The following VANGL1 variants were observed in gnomAD, a reference collection of about 807,000 sequenced individuals.
The protein encoded by VANGL1 is VANGL planar cell polarity protein 1, also known as vang-like protein 1.
A neutral mutation model predicts 48.4 loss-of-function variants in VANGL1; 18 were observed. The ratio of observed to expected loss-of-function variants is 0.37; its 90% CI spans 0.26 to 0.55. The LOEUF is 0.55. Among genes scored for constraint, VANGL1 ranks in the 20% least tolerant of loss-of-function variants. The pLI, the probability that VANGL1 is intolerant of heterozygous loss-of-function variation, is 0.81. For missense variants in VANGL1, 667 were observed against 675.8 expected (o/e 0.99, Z 0.14); for synonymous variants, 257 against 261.8 (o/e 0.98, Z 0.18).
At chr1:115,686,843 T>C (rs1260931383) in intron 7 of VANGL1, among the ~76,000 whole-genome samples, 2 of 152,202 alleles carry the variant, frequency 1.3e-5, no homozygotes, top group African/African-American at 4.8e-5. Context: ...CTCTTTCAGT[T>C]CCTCTACACT....
chr1:115,662,889 C>T (rs191361705), intron 3 of VANGL1, among the ~76,000 whole-genome samples: 1 of 151,530 alleles, frequency 6.6e-6, no homozygotes, highest in Admixed American at 6.6e-5. Context: ...CGGGTTCAAG[C>T]GATTCTCCTG....
intron 2 of VANGL1, among the ~76,000 whole-genome samples, chr1:115,652,614 A>G (rs1209926029): frequency 1.3e-5 from 2 of 152,232 alleles, no homozygotes; most frequent in East Asian, 1.9e-4. Flanking sequence ...CAAGGTATCA[A>G]CTGGCCCCAG....
Position 115,663,674 on chromosome 1 carries a change from G to A in VANGL1, c.218G>A (p.Gly73Glu). Reference protein sequence around the residue: ...RTEEVQDDNWGETTTAITGTS... With the variant: ...RTEEVQDDNWEETTTAITGTS... Reference sequence around the variant, plus strand: ...TCTCCCCACCAGGATGACAACTGGGGAGAGACCACCACGGCCATCACAGGC... The same window carrying A: ...TCTCCCCACCAGGATGACAACTGGGAAGAGACCACCACGGCCATCACAGGC... The change falls in exon 4 of 8, where the codon GGA (glycine) becomes GAA (glutamate). Residue 73 changes from glycine to glutamate, a missense_variant. Coordinates refer to ENST00000355485, the MANE Select transcript of VANGL1 (RefSeq NM_138959.3). 6.2e-7 allele frequency: 1 copy of A among 1,614,158 alleles called. No homozygotes were observed. The highest frequency in any genetic ancestry group is 8.5e-7 in the Non-Finnish European group (1 of 1,180,036).
At chr1:115,642,743 G>A (rs1004101818) in intron 1 of VANGL1, 1 of 152,240 alleles carries the variant, frequency 6.6e-6, no homozygotes, top group African/African-American at 2.4e-5. Flanking sequence ...GGGTGGAGCA[G>A]AGGCGCCTGG....
At chr1:115,675,481 G>A (rs563246220) in intron 4 of VANGL1, among the ~76,000 whole-genome samples, 2 of 152,204 alleles carry the variant, frequency 1.3e-5, no homozygotes, top group South Asian at 2.1e-4. Flanking sequence ...CATCCTGGAC[G>A]ACAAAGGAGA....
chr1:115,691,284 G>A lies in VANGL1; in HGVS notation c.1480G>A (p.Val494Met). 1 of 1,614,136 alleles carries A rather than the reference G, an allele frequency of 6.2e-7. No homozygotes were observed. The change falls in exon 8 of 8, where the codon GTG (valine) becomes ATG (methionine). Residue 494 changes from valine (V) to methionine (M), a missense_variant. Val to Met is a conservative substitution (Grantham distance 21). Transcript: ENST00000355485. ...CTTGGACTTCAGCCTCGTAGTCAAT[G>A]TGAAGAAAATTCCATTCATCATACT... ...KCLDFSLVVN[V>M]KKIPFIILSE...
chr1:115,696,737 C>T lies in VANGL1; in HGVS notation c.*5358C>T, dbSNP rs1654044893. ...CTTTAGTGGGTTGTTTTAGTCTCTC[C>T]AACAAAAGAGCAGATTCCTAAAGCC... On this transcript the variant is annotated 3_prime_UTR_variant, in exon 8 of 8. Transcript: ENST00000355485. 1 of 152,120 alleles carries T rather than the reference C, an allele frequency of 6.6e-6. No homozygotes were observed. Among genetic ancestry groups the T allele is most frequent in the South Asian group, 2.1e-4 (1 of 4,824 alleles). The allele number at this position is 152,120 out of a possible 1,614,324, so 9.4% of individuals were successfully genotyped here. A position where few individuals can be genotyped will look rare whatever the true frequency, so the allele number is the denominator to read the frequency against.
intron 6 of VANGL1, 101 bp from the exon 7 acceptor site, chr1:115,685,192 T>C: frequency 7.9e-7 from 1 of 1,262,332 alleles, no homozygotes; most frequent in Admixed American, 1.9e-5. Context: ...GCCTTGGGTA[T>C]GTTGGCAGGT....
At chr1:115,689,161 A>G (rs1430540425) in intron 7 of VANGL1, among the ~76,000 whole-genome samples, 1 of 138,052 alleles carries the variant, frequency 7.2e-6, no homozygotes, top group African/African-American at 2.7e-5. Context: ...TTTATTCTAT[A>G]AAATTATTGT....
chr1:115,660,554 C>A (rs1652509490), intron 3 of VANGL1, among the ~76,000 whole-genome samples: 1 of 152,302 alleles, frequency 6.6e-6, no homozygotes, highest in Non-Finnish European at 1.5e-5. Flanking sequence ...AACTGTCTGG[C>A]AGCCCACCTG....
At chr1:115,669,418 AC>A (rs974926866) in intron 4 of VANGL1, among the ~76,000 whole-genome samples, 1 of 152,152 alleles carries the variant, frequency 6.6e-6, no homozygotes, top group African/African-American at 2.4e-5. Flanking sequence ...ATTGACACTG[AC>A]CATAGACCTT....
In VANGL1 at chr1:115,693,429, A is replaced by T. The variant is rs769937758; in HGVS notation, c.*2050A>T. ...TCTAAAATACTGTTCTTCCAACCCTATCTTCAATGACCAGTCCAGAAGGGG... is the reference window on the plus strand; with the variant it reads ...TCTAAAATACTGTTCTTCCAACCCTTTCTTCAATGACCAGTCCAGAAGGGG... On this transcript the variant is annotated 3_prime_UTR_variant, in exon 8 of 8. Transcript: ENST00000355485. The T allele has an allele frequency of 6.6e-6, 1 of 152,580 alleles. No homozygotes were observed. The highest frequency in any genetic ancestry group is 1.5e-5 in the Non-Finnish European group (1 of 68,020). 9.5% of individuals were successfully genotyped at this position (152,580 alleles called of 1,614,324 possible).
At chr1:115,681,257 G>GC (rs1653373349) in intron 4 of VANGL1, among the ~76,000 whole-genome samples, 1 of 152,112 alleles carries the variant, frequency 6.6e-6, no homozygotes, top group Non-Finnish European at 1.5e-5. Flanking sequence ...ATATTCTTTT[G>GC]CTGTCTATAC....
At chr1:115,656,280 G>T (rs1415339815) in intron 2 of VANGL1, among the ~76,000 whole-genome samples, 1 of 152,190 alleles carries the variant, frequency 6.6e-6, no homozygotes, top group African/African-American at 2.4e-5. Flanking sequence ...TTACACTCAT[G>T]GCTCCCATTA....
intron 4 of VANGL1, among the ~76,000 whole-genome samples, chr1:115,677,085 TG>T (rs1252283894): frequency 6.6e-6 from 1 of 152,252 alleles, no homozygotes; most frequent in East Asian, 1.9e-4. Flanking sequence ...GACTCAGACA[TG>T]CACAGAGCAT....
chr1:115,655,907 AG>A (rs1652336949), intron 2 of VANGL1, among the ~76,000 whole-genome samples: 1 of 152,252 alleles, frequency 6.6e-6, no homozygotes, highest in African/African-American at 2.4e-5. Context: ...ACTGAATGCC[AG>A]GATTTTTGCA....
At chr1:115,667,632 C>T (rs996191555) in intron 4 of VANGL1, among the ~76,000 whole-genome samples, 2 of 152,196 alleles carry the variant, frequency 1.3e-5, no homozygotes, top group African/African-American at 2.4e-5. Context: ...CTTACCCCAC[C>T]GCACTTTCTA....
intron 4 of VANGL1, among the ~76,000 whole-genome samples, chr1:115,680,945 G>C (rs1447205889): frequency 6.6e-6 from 1 of 152,176 alleles, no homozygotes; most frequent in African/African-American, 2.4e-5. Context: ...CAAAGGGCAA[G>C]ATAAAAATAT....
Position 115,694,131 on chromosome 1 carries a change from T to C in VANGL1, c.*2752T>C, listed in dbSNP as rs1653949015. ...GAACTGAATGTTAAAAAGTTCTGTATGCATTCTCAGAGAGGATTTTAAAGC... is the reference window on the plus strand; with the variant it reads ...GAACTGAATGTTAAAAAGTTCTGTACGCATTCTCAGAGAGGATTTTAAAGC... On this transcript the variant is annotated 3_prime_UTR_variant, in exon 8 of 8. Coordinates refer to ENST00000355485, the MANE Select transcript of VANGL1 (RefSeq NM_138959.3). 6.6e-6 allele frequency: 1 copy of C among 152,238 alleles called. No individual in the cohort carries two copies. The highest frequency in any genetic ancestry group is 1.5e-5 in the Non-Finnish European group (1 of 68,040). 9.4% of individuals were successfully genotyped at this position (152,238 alleles called of 1,614,324 possible).
Sources: gnomAD v4.1 joint callset for allele counts (sites outside exome capture counted in the v4.1 genomes callset) on GRCh38, gnomAD v4.1.1 for gene constraint, MANE v1.5 for transcripts, NCBI Gene and HGNC (gene_info 2026-07-23, HGNC 2026-07-21) for gene names.